CXADR: variants seen among roughly 807,000 people sequenced by gnomAD.
CXADR encodes CXADR cell adhesion molecule.
In CXADR, 20 loss-of-function variants were observed where a neutral mutation model predicts 40.3. The ratio of observed to expected loss-of-function variants is 0.50; its 90% CI spans 0.35 to 0.72. The LOEUF is 0.72. CXADR is among the 30% of genes least tolerant of loss of function. The pLI is 0.01. For synonymous variants in CXADR, 150 were observed against 161.3 expected (o/e 0.93, Z 0.53); for missense variants, 332 against 449.1 (o/e 0.74, Z 2.36).
At position 17,568,336 on chromosome 21, in the gene CXADR, G is replaced by T; in HGVS notation, c.*2644G>T. On this transcript the variant is annotated 3_prime_UTR_variant, in exon 7 of 7. Coordinates refer to ENST00000284878, the MANE Select transcript of CXADR (RefSeq NM_001338.5). ...GTAGAGACAGGGTTTCACCGTGTTAGCCAGGATGGTCTCGATCTCCTGACC... is the reference window on the plus strand; with the variant it reads ...GTAGAGACAGGGTTTCACCGTGTTATCCAGGATGGTCTCGATCTCCTGACC... The T allele has an allele frequency of 1.2e-6, 1 of 830,636 alleles. No homozygotes were observed. The highest frequency in any genetic ancestry group is 1.5e-6 in the Non-Finnish European group (1 of 689,532). The allele number at this position is 830,636 out of a possible 1,614,324, so 51.5% of individuals were successfully genotyped here.
chr21:17,541,382 C>T (rs2060825913), intron 1 of CXADR, among the ~76,000 whole-genome samples: 1 of 151,816 alleles, frequency 6.6e-6, no homozygotes, highest in Non-Finnish European at 1.5e-5. Context: ...GAAACCCCGT[C>T]TCTACTAAAA....
chr21:17,518,574 A>T, intron 1 of CXADR: 1 of 1,244,578 alleles, frequency 8.0e-7, no homozygotes, highest in Non-Finnish European at 1.2e-6. Flanking sequence ...GATCGGGAAC[A>T]TCATCATCCT....
chr21:17,605,461 T>C, the CXADR span, among the ~76,000 whole-genome samples: 3 of 152,216 alleles, frequency 2.0e-5, no homozygotes, highest in Non-Finnish European at 4.4e-5. Flanking sequence ...GATAGTAAAG[T>C]GGTAAGAGGA....
At chr21:17,556,153 C>T (rs1054059593) in intron 3 of CXADR, among the ~76,000 whole-genome samples, 4 of 152,278 alleles carry the variant, frequency 2.6e-5, no homozygotes, top group Middle Eastern at 3.4e-3. Flanking sequence ...TGTGGGAAGT[C>T]CAGACCAAAG....
chr21:17,516,671 C>A (rs368710880), intron 1 of CXADR, among the ~76,000 whole-genome samples: 42 of 152,188 alleles, frequency 2.8e-4, no homozygotes, highest in African/African-American at 9.2e-4. Flanking sequence ...GAATGGGGAT[C>A]CTGGAGCAGG....
chr21:17,551,726 G>A lies in CXADR; in HGVS notation c.211-23G>A, dbSNP rs771943121. The A allele has an allele frequency of 1.9e-6, 3 of 1,582,702 alleles. No individual in the cohort carries two copies. The South Asian group carries it at 3.4e-5, about 18-fold the overall frequency. On this transcript the variant is annotated intron_variant, in intron 2 of 6. Coordinates refer to ENST00000284878, the MANE Select transcript of CXADR (RefSeq NM_001338.5). ...TTTGTGTGTGTTTGTTTTTCCTCCT[G>A]TCTAATTTTGGCTTTCTTTTAGATT...
At chr21:17,525,511 C>T (rs1228233969) in intron 1 of CXADR, among the ~76,000 whole-genome samples, 4 of 152,172 alleles carry the variant, frequency 2.6e-5, no homozygotes, top group African/African-American at 9.6e-5. Context: ...ATCACTTATT[C>T]TCTTCAGTCT....
At chr21:17,546,919 C>G (rs1246515426) in intron 1 of CXADR, 108 bp from the exon 2 acceptor site, 1 of 1,337,392 alleles carries the variant, frequency 7.5e-7, no homozygotes, top group Non-Finnish European at 1.0e-6. Context: ...ACCCAAACCC[C>G]GTCCTGTATC....
intron 7 of CXADR, among the ~76,000 whole-genome samples, chr21:17,578,940 G>A (rs1246667528): frequency 1.3e-5 from 2 of 152,084 alleles, no homozygotes; most frequent in African/African-American, 4.8e-5. Context: ...TCTTCTCTTT[G>A]CCTCCCCACA....
intron 7 of CXADR, among the ~76,000 whole-genome samples, chr21:17,584,048 G>A (rs1389498186): frequency 6.6e-6 from 1 of 152,196 alleles, no homozygotes; most frequent in Non-Finnish European, 1.5e-5. Flanking sequence ...GTGTGTTTGT[G>A]TGTGTATGTG....
At chr21:17,540,291 C>A (rs1306165304) in intron 1 of CXADR, among the ~76,000 whole-genome samples, 1 of 152,066 alleles carries the variant, frequency 6.6e-6, no homozygotes, top group East Asian at 1.9e-4. Context: ...TTGGGGGGGA[C>A]ATGATTTACT....
chr21:17,520,003 GCA>G (rs928280861), intron 1 of CXADR, among the ~76,000 whole-genome samples: 7 of 151,312 alleles, frequency 4.6e-5, no homozygotes, highest in East Asian at 1.9e-4. Flanking sequence ...GCACGCACAT[GCA>G]CACACACACA....
chr21:17,566,203 ACT>A lies in CXADR; in HGVS notation c.*514_*515del. On this transcript the variant is annotated 3_prime_UTR_variant, in exon 7 of 7. Transcript: ENST00000284878. ...ACTTGGTTTTACAGCTCCTTTGAAAACTCTGTGTTTGGAATATCTCTAAAAAC... is the reference window on the plus strand; with the variant it reads ...ACTTGGTTTTACAGCTCCTTTGAAAACTGTGTTTGGAATATCTCTAAAAAC... The A allele has an allele frequency of 8.1e-6, 8 of 982,692 alleles. No individual in the cohort carries two copies. Among genetic ancestry groups the A allele is most frequent in the Non-Finnish European group, 9.7e-6 (8 of 827,578 alleles). The allele number at this position is 982,692 out of a possible 1,614,324, so 60.9% of individuals were successfully genotyped here.
At chr21:17,596,046 T>G (rs1373230802), downstream of CXADR, among the ~76,000 whole-genome samples, 1 of 152,200 alleles carries the variant, frequency 6.6e-6, no homozygotes, top group East Asian at 1.9e-4. Context: ...ATAACTCCTT[T>G]TGTAAAGTGT....
At chr21:17,573,139 T>A (rs2061292180), downstream of CXADR, among the ~76,000 whole-genome samples, 6 of 152,128 alleles carry the variant, frequency 3.9e-5, no homozygotes, top group Admixed American at 3.9e-4. Context: ...AGGTGACCAT[T>A]TTCTCCATCT....
At chr21:17,533,345 A>G (rs943157652) in intron 1 of CXADR, among the ~76,000 whole-genome samples, 2 of 152,364 alleles carry the variant, frequency 1.3e-5, no homozygotes, top group Middle Eastern at 3.4e-3. Flanking sequence ...GAAGAAGAGT[A>G]TAAATTCCAA....
the CXADR span, among the ~76,000 whole-genome samples, chr21:17,628,053 A>C: frequency 6.6e-6 from 1 of 152,188 alleles, no homozygotes; most frequent in Non-Finnish European, 1.5e-5. Flanking sequence ...TTTTGTGCAC[A>C]AACAAATCAA....
rs34385056 is a variant in CXADR, at chr21:17,559,971, ATT to A, written c.572-720_572-719del. Among the ~76,000 whole-genome samples, 24 of 149,454 alleles carry A rather than the reference ATT, an allele frequency of 1.6e-4. No individual in the cohort carries two copies. In the South Asian group the frequency reaches 1.7e-3, roughly 11 times the overall value. On this transcript the variant is annotated intron_variant, in intron 4 of 6. Coordinates refer to ENST00000284878, the MANE Select transcript of CXADR (RefSeq NM_001338.5). Reference sequence around the variant, plus strand: ...AGGTGTGGGCCATTGCGCCTGGCGAATTTTTTTTTTTTAATTGATGAGACATG... The same window carrying A: ...AGGTGTGGGCCATTGCGCCTGGCGAATTTTTTTTTTAATTGATGAGACATG...
downstream of CXADR, chr21:17,594,021 T>C (rs982174753): frequency 1.1e-5 from 16 of 1,519,490 alleles, no homozygotes; most frequent in Non-Finnish European, 1.3e-5. Flanking sequence ...GTAAGAACTT[T>C]TAACTTTTAA....
Sources: allele counts gnomAD v4.1 joint callset (sites outside exome capture counted in the v4.1 genomes callset), GRCh38; gene constraint gnomAD v4.1.1; transcripts MANE v1.5; gene names NCBI Gene and HGNC (gene_info 2026-07-23, HGNC 2026-07-21).